FBXW7: variants seen among roughly 807,000 people sequenced by gnomAD.
The protein encoded by FBXW7 is F-box and WD repeat domain containing 7.
In FBXW7, 11 loss-of-function variants were observed where a neutral mutation model predicts 86.3. The observed-to-expected ratio is 0.13, with a 90% CI of 0.08 to 0.21. FBXW7 has a LOEUF of 0.21. Among genes scored for constraint, FBXW7 ranks in the 10% least tolerant of loss-of-function variants. The pLI is 1.00. For synonymous variants in FBXW7, 313 were observed against 297.9 expected (o/e 1.05, Z -0.52); for missense variants, 488 against 847.4 (o/e 0.58, Z 5.27).
intron 2 of FBXW7, among the ~76,000 whole-genome samples, chr4:152,520,647 T>A (rs1001772674): frequency 6.6e-6 from 1 of 152,074 alleles, no homozygotes; most frequent in African/African-American, 2.4e-5. Context: ...TGATGGCTCC[T>A]CCATGATGTA....
chr4:152,352,730 T>A lies in FBXW7; in HGVS notation c.502-2606A>T, dbSNP rs149080811. ...ATCAAACCGCTTCTCGGGACACACATACATACATGCAGCTTGACTGAGAAG... is the reference window on the plus strand; with the variant it reads ...ATCAAACCGCTTCTCGGGACACACAAACATACATGCAGCTTGACTGAGAAG... On this transcript the variant is annotated intron_variant, in intron 4 of 13. Coordinates refer to ENST00000281708, the MANE Select transcript of FBXW7 (RefSeq NM_001349798.2). 13 of 1,613,194 alleles carry A rather than the reference T, an allele frequency of 8.1e-6. 1 individual carries two copies. The highest frequency in any genetic ancestry group is 8.5e-6 in the Non-Finnish European group (10 of 1,179,766).
In FBXW7 at chr4:152,512,895, C is replaced by T. The variant is rs544410050; in HGVS notation, c.-120+22046G>A. On this transcript the variant is annotated intron_variant, in intron 2 of 13. Coordinates refer to ENST00000281708, the MANE Select transcript of FBXW7 (RefSeq NM_001349798.2). ...ATTTATTTGAGACGGAGTTTTGCTCCTGTTGCCCAGGCTGGAGTGCAAATG... is the reference window on the plus strand; with the variant it reads ...ATTTATTTGAGACGGAGTTTTGCTCTTGTTGCCCAGGCTGGAGTGCAAATG... Among the ~76,000 whole-genome samples the T allele has an allele frequency of 7.9e-5, 12 of 152,266 alleles. No individual in the cohort carries two copies. In the South Asian group the frequency reaches 2.5e-3, roughly 32 times the overall value.
intron 2 of FBXW7, among the ~76,000 whole-genome samples, chr4:152,494,639 A>G (rs895637286): frequency 6.6e-6 from 1 of 152,206 alleles, no homozygotes; most frequent in Non-Finnish European, 1.5e-5. Context: ...GATCAGGGAA[A>G]TAAGACCAGG....
intron 2 of FBXW7, among the ~76,000 whole-genome samples, chr4:152,522,551 G>C (rs1002669263): frequency 7.9e-5 from 12 of 152,024 alleles, no homozygotes; most frequent in Non-Finnish European, 1.6e-4. Flanking sequence ...TGGCATTCTG[G>C]ACCAGGTAAT....
chr4:152,338,088 C>T (rs1363202993), intron 6 of FBXW7, 152 bp from the exon 7 acceptor site: 15 of 492,164 alleles, frequency 3.0e-5, no homozygotes, highest in Admixed American at 1.2e-4. Flanking sequence ...TTCCACAAGG[C>T]ATTGAAGAAG....
At chr4:152,482,572 A>G (rs1579318234) in intron 2 of FBXW7, among the ~76,000 whole-genome samples, 1 of 151,858 alleles carries the variant, frequency 6.6e-6, no homozygotes, top group African/African-American at 2.4e-5. Flanking sequence ...GGGATCATCT[A>G]TTTTTCTAAG....
chr4:152,326,108 A>T lies in FBXW7; in HGVS notation c.1542T>A (p.Val514=), dbSNP rs1408720632. 2 of 1,613,334 alleles carry T rather than the reference A, an allele frequency of 1.2e-6. No homozygotes were observed. Among genetic ancestry groups the T allele is most frequent in the African/African-American group, 2.7e-5 (2 of 74,946 alleles). Residue 514 remains valine (V), a synonymous_variant, in exon 12 of 14, where the codon GTT becomes GTA. Coordinates refer to ENST00000281708, the MANE Select transcript of FBXW7 (RefSeq NM_001349798.2). ...CCATAAAATCATATGCTCCACTAAC[A>T]ACCCTCCTGCCATCATATTGAACAC... ...VRCVQYDGRR[V]VSGAYDFMVK...
chr4:152,475,560 T>C (rs1368196761), intron 2 of FBXW7, among the ~76,000 whole-genome samples: 1 of 152,180 alleles, frequency 6.6e-6, no homozygotes, highest in Non-Finnish European at 1.5e-5. Flanking sequence ...AAATAAAAGG[T>C]ATACAAATTT....
intron 3 of FBXW7, among the ~76,000 whole-genome samples, chr4:152,412,166 G>A (rs1738025453): frequency 6.6e-6 from 1 of 151,882 alleles, no homozygotes; most frequent in Non-Finnish European, 1.5e-5. Flanking sequence ...AATATTTCAA[G>A]CAAATAAAAC....
chr4:152,497,650 TA>T (rs554958595), intron 2 of FBXW7, among the ~76,000 whole-genome samples: 105 of 151,860 alleles, frequency 6.9e-4, no homozygotes, highest in South Asian at 1.7e-3. Flanking sequence ...TAAATGTTGA[TA>T]AAAAAAAGTG....
At chr4:152,337,683 AAG>A in intron 7 of FBXW7, 117 bp downstream of exon 7, 2 of 1,023,498 alleles carry the variant, frequency 2.0e-6, no homozygotes, top group Admixed American at 2.6e-5. Flanking sequence ...ACCACTAATT[AAG>A]AGTGTCAAAC....
rs113850861 is a variant in FBXW7 at position 152,437,684 on chromosome 4, A to G, written c.-119-25155T>C. ...GCTATCAAACAGCATCACACGCTAC[A>G]GAGAAATCGTTCATGACAGGAAGAG... On this transcript the variant is annotated intron_variant, in intron 2 of 13. Coordinates refer to ENST00000281708, the MANE Select transcript of FBXW7 (RefSeq NM_001349798.2). Among the ~76,000 whole-genome samples, 25 of 152,324 alleles carry G rather than the reference A, an allele frequency of 1.6e-4. 1 individual carries two copies. The highest frequency in any genetic ancestry group is 5.8e-4 in the African/African-American group (24 of 41,574).
intron 2 of FBXW7, among the ~76,000 whole-genome samples, chr4:152,475,055 T>C (rs939276001): frequency 6.6e-6 from 1 of 151,774 alleles, no homozygotes; most frequent in Non-Finnish European, 1.5e-5. Flanking sequence ...GAGCAGAGAT[T>C]GTGGCACTGC....
At position 152,402,603 on chromosome 4, in the gene FBXW7, T is replaced by C. The variant is rs182470787; in HGVS notation, c.501+8700A>G. On this transcript the variant is annotated intron_variant, in intron 4 of 13. Coordinates refer to ENST00000281708, the MANE Select transcript of FBXW7 (RefSeq NM_001349798.2). ...TGAGTTCCAATCCCAACTCCACTAT[T>C]TACCAGCTGACTGATACAAGATTAA... is the stretch of plus-strand genomic sequence containing the variant. Among the ~76,000 whole-genome samples the C allele has an allele frequency of 3.3e-5, 5 of 152,322 alleles. No homozygotes were observed. In the East Asian group the frequency reaches 7.7e-4, roughly 24 times the overall value.
intron 2 of FBXW7, among the ~76,000 whole-genome samples, chr4:152,507,250 G>C (rs189950830): frequency 2.8e-4 from 43 of 152,188 alleles, no homozygotes; most frequent in African/African-American, 1.0e-3. Context: ...ACAAAGTCAA[G>C]ATTTTTCTTT....
chr4:152,362,668 T>G (rs575891729), intron 4 of FBXW7, among the ~76,000 whole-genome samples: 26 of 151,006 alleles, frequency 1.7e-4, no homozygotes, highest in Non-Finnish European at 3.7e-4. Flanking sequence ...CCACTGAAAA[T>G]ATAAAACAAA....
rs1578913581 is a variant in FBXW7, at chr4:152,337,867, T to G, written c.796A>C (p.Lys266Gln). The G allele has an allele frequency of 6.2e-7, 1 of 1,612,726 alleles. No individual in the cohort carries two copies. Among genetic ancestry groups the G allele is most frequent in the Non-Finnish European group, 8.5e-7 (1 of 1,179,262 alleles). The change falls in exon 7 of 14, where the codon AAA becomes CAA. Residue 266 changes from lysine to glutamine, a missense_variant. By Grantham distance (53) the Lys-to-Gln change is moderately conservative (BLOSUM62 1). Coordinates refer to ENST00000281708, the MANE Select transcript of FBXW7 (RefSeq NM_001349798.2). ...GGTTCTATCACTTGCATCATATGTT[T>G]TACTTGTGTTGGTTCACAACTATCA... ...LIDSCEPTQV[K>Q]HMMQVIEPQF... is the part of the protein sequence containing the mutation.
rs374655889 is a variant in FBXW7, at chr4:152,473,701, C to T, written c.-119-61172G>A. 7.9e-5 allele frequency among the ~76,000 whole-genome samples: 12 copies of T among 151,982 alleles called. No individual in the cohort carries two copies. In the East Asian group the frequency reaches 1.5e-3, roughly 20 times the overall value. ...GTCTTGTTATGTTGCCCAGGCTGCA[C>T]AAAACTGACTTTTTAAGTCAGTCTA... On this transcript the variant is annotated intron_variant, in intron 2 of 13. Coordinates refer to ENST00000281708, the MANE Select transcript of FBXW7 (RefSeq NM_001349798.2).
At position 152,411,330 on chromosome 4, in the gene FBXW7, G is replaced by A. The variant is rs1737936443; in HGVS notation, c.474C>T (p.Ser158=). 1 of 1,610,662 alleles carries A rather than the reference G, an allele frequency of 6.2e-7. No individual in the cohort carries two copies. Among genetic ancestry groups the A allele is most frequent in the Admixed American group, 1.7e-5 (1 of 59,606 alleles). ...TTGTTGTTTTTGTATAGAATGGGGA[G>A]GAGAGTTGGTGAACGGGCAGGTCCA... ...SIVDLPVHQL[S]SPFYTKTTKM... is the part of the protein sequence containing the mutation. The change falls in exon 4 of 14, where the codon TCC becomes TCT. Residue 158 remains serine, a synonymous_variant. Coordinates refer to ENST00000281708, the MANE Select transcript of FBXW7 (RefSeq NM_001349798.2).
Sources: gnomAD v4.1 joint callset for allele counts (sites outside exome capture counted in the v4.1 genomes callset) on GRCh38, gnomAD v4.1.1 for gene constraint, MANE v1.5 for transcripts, NCBI Gene and HGNC (gene_info 2026-07-23, HGNC 2026-07-21) for gene names.